Variants in PCSK6 observed in about 807,000 individuals in gnomAD.
PCSK6 encodes the protein paired basic amino acid cleaving enzyme 4.
Under a neutral mutation model 123.3 loss-of-function variants are expected in PCSK6, and 85 were observed. The observed-to-expected ratio is 0.69, with a 90% confidence interval of 0.58 to 0.83. The LOEUF (loss-of-function observed/expected upper bound fraction) is 0.83, where lower values mean the gene tolerates loss of function less well. PCSK6 is among the 40% of genes least tolerant of loss of function. PCSK6 has a pLI of 0.00. For missense variants in PCSK6, 1,191 were observed against 1,282.3 expected (o/e 0.93, Z 1.09); for synonymous variants, 508 against 516.0 (o/e 0.98, Z 0.21).
At chr15:101,368,443 T>C (rs2041466326) in intron 12 of PCSK6, among the ~76,000 whole-genome samples, 1 of 152,166 alleles carries the variant, frequency 6.6e-6, no homozygotes. Flanking sequence ...TGAAGTGGCA[T>C]TTTCAGAGAT....
chr15:101,324,581 C>G (rs1368033509), intron 17 of PCSK6, among the ~76,000 whole-genome samples: 1 of 152,234 alleles, frequency 6.6e-6, no homozygotes, highest in Non-Finnish European at 1.5e-5. Context: ...GACTCTGTTG[C>G]AGGTGGGTGA....
At chr15:101,405,741 C>T (rs1445639242) in intron 6 of PCSK6, among the ~76,000 whole-genome samples, 1 of 151,736 alleles carries the variant, frequency 6.6e-6, no homozygotes, top group African/African-American at 2.4e-5. Flanking sequence ...CTCCATTTCC[C>T]CTGCTTCTAA....
rs2040208170 is a variant in PCSK6, at chr15:101,324,738, C to T, written c.2377+112G>A. On this transcript the variant is annotated intron_variant, in intron 17 of 21. Coordinates refer to ENST00000611716, the MANE Select transcript of PCSK6 (RefSeq NM_002570.5). ...CCCTGTTCAAAGTCCTTACTCAGAA[C>T]AACAAAATACACGGAAGCAGAAGGC... 3 of 922,962 alleles carry T rather than the reference C, an allele frequency of 3.3e-6. No homozygotes were observed. In the South Asian group the frequency reaches 4.9e-5, roughly 15 times the overall value. 57.2% of individuals were successfully genotyped at this position (922,962 alleles called of 1,614,324 possible). A position where few individuals can be genotyped will look rare whatever the true frequency, so the allele number is the denominator to read the frequency against.
intron 10 of PCSK6, among the ~76,000 whole-genome samples, chr15:101,382,478 G>C (rs74032813): frequency 6.6e-6 from 1 of 152,196 alleles, no homozygotes; most frequent in Non-Finnish European, 1.5e-5. Context: ...GAAGTGCTGA[G>C]AAGGTCTAGG....
chr15:101,416,049 G>C (rs2055877051), intron 6 of PCSK6, among the ~76,000 whole-genome samples: 1 of 152,246 alleles, frequency 6.6e-6, no homozygotes, highest in Non-Finnish European at 1.5e-5. Context: ...CTTTGGAACT[G>C]GGTAACAGGC....
At chr15:101,337,505 A>T (rs2040508619) in intron 13 of PCSK6, 1 of 152,232 alleles carries the variant, frequency 6.6e-6, no homozygotes, top group Non-Finnish European at 1.5e-5. Flanking sequence ...ATTTAAAGAA[A>T]AATAAAAATA....
In PCSK6 at chr15:101,403,302, A is replaced by G. The variant is rs527495620; in HGVS notation, c.824-4726T>C. On this transcript the variant is annotated intron_variant, in intron 6 of 21. Transcript: ENST00000611716. ...GGGGGGAGGGGGGAGGGATAGCATT[A>G]GGAGATATACCTAATGCTAAATGAC... Among the ~76,000 whole-genome samples, 1,099 of 149,058 alleles carry G rather than the reference A, an allele frequency of 7.4e-3. 7 individuals are homozygous for G. The highest frequency in any genetic ancestry group is 0.01 in the Non-Finnish European group (675 of 67,210).
At chr15:101,481,569 G>A (rs1004617681) in intron 1 of PCSK6, among the ~76,000 whole-genome samples, 6 of 152,178 alleles carry the variant, frequency 3.9e-5, no homozygotes, top group Admixed American at 6.5e-5. Context: ...GGCAGGTAGA[G>A]GCCACAGAGG....
intron 9 of PCSK6, among the ~76,000 whole-genome samples, chr15:101,388,337 G>A (rs2042130688): frequency 6.6e-6 from 1 of 152,196 alleles, no homozygotes; most frequent in Admixed American, 6.5e-5. Context: ...CAAGCATTGA[G>A]GCATCCCAAC....
intron 2 of PCSK6, among the ~76,000 whole-genome samples, chr15:101,437,012 C>A (rs984974222): frequency 2.0e-5 from 3 of 152,144 alleles, no homozygotes; most frequent in Non-Finnish European, 4.4e-5. Context: ...AGGACAGGCT[C>A]GAGTCCCAGA....
intron 6 of PCSK6, among the ~76,000 whole-genome samples, chr15:101,401,843 C>T (rs2042596985): frequency 1.3e-5 from 2 of 152,084 alleles, no homozygotes; most frequent in African/African-American, 4.8e-5. Context: ...GGCCATACTG[C>T]CCAAGGTAAT....
At chr15:101,310,604 G>A (rs1402709402) in intron 20 of PCSK6, among the ~76,000 whole-genome samples, 5 of 152,224 alleles carry the variant, frequency 3.3e-5, no homozygotes, top group Non-Finnish European at 7.3e-5. Context: ...CCTTGCAAGC[G>A]GGTGGCAAGT....
intron 1 of PCSK6, among the ~76,000 whole-genome samples, chr15:101,453,701 G>A (rs916641898): frequency 4.6e-5 from 7 of 152,218 alleles, no homozygotes; most frequent in East Asian, 1.9e-4. Context: ...AGTGGGGATC[G>A]AGACATTTGG....
intron 1 of PCSK6, among the ~76,000 whole-genome samples, chr15:101,472,088 CG>C (rs2057619581): frequency 6.6e-6 from 1 of 152,082 alleles, no homozygotes; most frequent in African/African-American, 2.4e-5. Context: ...AAAAAAAAAT[CG>C]AACGGAGGCA....
chr15:101,390,827 C>T (rs1421385069), intron 8 of PCSK6, among the ~76,000 whole-genome samples: 6 of 152,210 alleles, frequency 3.9e-5, no homozygotes, highest in Non-Finnish European at 8.8e-5. Flanking sequence ...TTCTGGCCTA[C>T]AGGACCATGA....
At chr15:101,373,191 G>A (rs112735142) in intron 11 of PCSK6, among the ~76,000 whole-genome samples, 7 of 152,196 alleles carry the variant, frequency 4.6e-5, no homozygotes, top group African/African-American at 9.6e-5. Flanking sequence ...GTGATCCTCC[G>A]CCAGCCCCGC....
At chr15:101,344,075 C>CAA (rs752841885) in intron 13 of PCSK6, among the ~76,000 whole-genome samples, 4 of 140,282 alleles carry the variant, frequency 2.9e-5, no homozygotes, top group Admixed American at 1.4e-4. Context: ...GATTCTGTCT[C>CAA]AAAAAAAAAA....
intron 2 of PCSK6, among the ~76,000 whole-genome samples, chr15:101,432,334 T>C (rs897140299): frequency 2.0e-5 from 3 of 151,792 alleles, no homozygotes; most frequent in African/African-American, 4.8e-5. Context: ...TTTGAAGTCG[T>C]TGTACTAAAA....
At chr15:101,472,023 G>A (rs1359449319) in intron 1 of PCSK6, among the ~76,000 whole-genome samples, 4 of 86,226 alleles carry the variant, frequency 4.6e-5, no homozygotes, top group Admixed American at 2.2e-4. Flanking sequence ...TAAGAAACAC[G>A]AAATTGTGAT....
Sources: gnomAD v4.1 joint callset for allele counts (sites outside exome capture counted in the v4.1 genomes callset) on GRCh38, gnomAD v4.1.1 for gene constraint, MANE v1.5 for transcripts, NCBI Gene and HGNC (gene_info 2026-07-23, HGNC 2026-07-21) for gene names.